The following EPHA4 variants were observed in gnomAD, a reference collection of about 807,000 sequenced individuals.
The protein encoded by EPHA4 is ephrin type-A receptor 4.
In EPHA4, 19 loss-of-function variants were observed where a neutral mutation model predicts 108.3. The observed-to-expected ratio is 0.18, with a 90% CI of 0.12 to 0.26. The LOEUF (loss-of-function observed/expected upper bound fraction) is 0.26, where lower values mean the gene tolerates loss of function less well. Ranked by LOEUF, EPHA4 falls within the 10% of genes least tolerant of loss-of-function variation. EPHA4 has a pLI of 1.00. For synonymous variants in EPHA4, 449 were observed against 455.5 expected (o/e 0.99, Z 0.18); for missense variants, 917 against 1,254.0 (o/e 0.73, Z 4.06).
At chr2:221,438,395 T>G (rs1690313306) in intron 11 of EPHA4, among the ~76,000 whole-genome samples, 2 of 149,422 alleles carry the variant, frequency 1.3e-5, no homozygotes, top group Non-Finnish European at 3.0e-5. Flanking sequence ...TCATGAGGTG[T>G]TTTTTTTTGC....
At chr2:221,520,565 GA>G (rs1483444756) in intron 3 of EPHA4, among the ~76,000 whole-genome samples, 4 of 151,540 alleles carry the variant, frequency 2.6e-5, no homozygotes, top group African/African-American at 9.7e-5. Flanking sequence ...GAGAGAGCAA[GA>G]GGGGGGAGAG....
chr2:221,502,864 C>A (rs529236311), intron 3 of EPHA4, among the ~76,000 whole-genome samples: 1 of 152,310 alleles, frequency 6.6e-6, no homozygotes, highest in African/African-American at 2.4e-5. Context: ...TATTTGCTTT[C>A]GTCTTTCACT....
intron 13 of EPHA4, 43 bp from the exon 14 acceptor site, chr2:221,434,334 TG>T: frequency 1.3e-6 from 2 of 1,594,444 alleles, no homozygotes; most frequent in Non-Finnish European, 1.7e-6. Flanking sequence ...AGTACATCAC[TG>T]ATGTGCCATT....
At chr2:221,565,196 T>A (rs1408489735) in intron 2 of EPHA4, among the ~76,000 whole-genome samples, 3 of 152,224 alleles carry the variant, frequency 2.0e-5, no homozygotes, top group Admixed American at 6.5e-5. Context: ...GCAAGTGCTG[T>A]TTATGACTGA....
chr2:221,531,998 C>T (rs563889398), intron 3 of EPHA4, among the ~76,000 whole-genome samples: 1 of 152,268 alleles, frequency 6.6e-6, no homozygotes, highest in East Asian at 1.9e-4. Flanking sequence ...TGACCCCTTT[C>T]TTTTACCAAG....
intron 9 of EPHA4, among the ~76,000 whole-genome samples, chr2:221,444,766 T>TTC (rs1690540322): frequency 1.7e-5 from 2 of 120,780 alleles, no homozygotes; most frequent in African/African-American, 7.7e-5. Flanking sequence ...TTTTTTTTTT[T>TTC]TTTTTTCTGG....
rs777034200 is a variant in EPHA4 at position 221,446,412 on chromosome 2, G to A, written c.1716-231C>T. 6.4e-4 allele frequency among the ~76,000 whole-genome samples: 97 copies of A among 151,936 alleles called. 1 individual carries two copies. Among genetic ancestry groups the A allele is most frequent in the Non-Finnish European group, 2.4e-4 (16 of 68,014 alleles). On this transcript the variant is annotated intron_variant, in intron 8 of 17. Coordinates refer to ENST00000281821, the MANE Select transcript of EPHA4 (RefSeq NM_004438.5). ...CTCTGAACCACAATTTTAAACTGAG[G>A]TGTCTTACAATAGGTTAAAGCAAAT...
chr2:221,491,097 C>T (rs1437300276), intron 4 of EPHA4, among the ~76,000 whole-genome samples: 1 of 152,082 alleles, frequency 6.6e-6, no homozygotes, highest in African/African-American at 2.4e-5. Flanking sequence ...TTTTCTGGTT[C>T]TATCTCCTTT....
At chr2:221,446,437 T>C (rs1474875007) in intron 8 of EPHA4, among the ~76,000 whole-genome samples, 1 of 152,074 alleles carries the variant, frequency 6.6e-6, no homozygotes, top group Non-Finnish European at 1.5e-5. Flanking sequence ...TTAAAGCAAA[T>C]ATTTTATAAT....
At chr2:221,456,808 AAAAT>A (rs774051669) in intron 6 of EPHA4, 36 bp from the exon 7 acceptor site, 11 of 1,609,882 alleles carry the variant, frequency 6.8e-6, no homozygotes, top group Non-Finnish European at 8.5e-6. Context: ...GGAAGGTGGC[AAAAT>A]AAATCTCCTG....
At chr2:221,516,063 G>A (rs1442513910) in intron 3 of EPHA4, among the ~76,000 whole-genome samples, 2 of 151,736 alleles carry the variant, frequency 1.3e-5, no homozygotes, top group African/African-American at 4.8e-5. Flanking sequence ...TCACCTTCAT[G>A]TTTTCCTCAA....
At chr2:221,466,829 C>G (rs1285321796) in intron 5 of EPHA4, among the ~76,000 whole-genome samples, 1 of 152,132 alleles carries the variant, frequency 6.6e-6, no homozygotes, top group African/African-American at 2.4e-5. Flanking sequence ...AAAATCTGGT[C>G]CTAGAGCCCT....
At chr2:221,456,238 T>A (rs371350633) in intron 7 of EPHA4, among the ~76,000 whole-genome samples, 1 of 152,134 alleles carries the variant, frequency 6.6e-6, no homozygotes, top group African/African-American at 2.4e-5. Context: ...GTAAAAAATA[T>A]TTTTGGCGCC....
chr2:221,563,274 C>G (rs903654348), intron 3 of EPHA4, among the ~76,000 whole-genome samples: 1 of 152,154 alleles, frequency 6.6e-6, no homozygotes, highest in Non-Finnish European at 1.5e-5. Flanking sequence ...TGGGAGGGAA[C>G]TGGAACAACT....
At chr2:221,507,819 G>A (rs1692678857) in intron 3 of EPHA4, among the ~76,000 whole-genome samples, 1 of 152,128 alleles carries the variant, frequency 6.6e-6, no homozygotes, top group Non-Finnish European at 1.5e-5. Context: ...TTTTTAAACT[G>A]GAGATTACCT....
chr2:221,437,364 T>C, intron 11 of EPHA4: 2 of 388,470 alleles, frequency 5.1e-6, no homozygotes, highest in Non-Finnish European at 9.2e-6. Context: ...GGTCTTTAAC[T>C]AAAGTGGCCT....
intron 5 of EPHA4, among the ~76,000 whole-genome samples, chr2:221,467,879 T>C (rs1273673827): frequency 1.3e-5 from 2 of 152,214 alleles, no homozygotes; most frequent in Non-Finnish European, 2.9e-5. Context: ...TCAATGTGTG[T>C]GTTTCCTGTT....
chr2:221,456,565 T>C, intron 7 of EPHA4, 48 bp downstream of exon 7: 2 of 1,593,374 alleles, frequency 1.3e-6, no homozygotes, highest in Non-Finnish European at 1.7e-6. Flanking sequence ...TTCAGCTGTA[T>C]TATAAAAATA....
intron 9 of EPHA4, among the ~76,000 whole-genome samples, chr2:221,445,286 G>C (rs1690557068): frequency 6.6e-6 from 1 of 152,066 alleles, no homozygotes; most frequent in Non-Finnish European, 1.5e-5. Flanking sequence ...ACCAACCACT[G>C]TCCATTTAAA....
Sources: allele counts gnomAD v4.1 joint callset (sites outside exome capture counted in the v4.1 genomes callset), GRCh38; gene constraint gnomAD v4.1.1; transcripts MANE v1.5; gene names NCBI Gene and HGNC (gene_info 2026-07-23, HGNC 2026-07-21).